The following MYPN variants were observed in gnomAD, a reference collection of about 807,000 sequenced individuals.
The protein encoded by MYPN is sarcomeric protein myopalladin, 145 kDa (MYOP).
In MYPN, 63 loss-of-function variants were observed where a neutral mutation model predicts 129.4. The observed-to-expected ratio is 0.49, with a 90% CI of 0.40 to 0.60. MYPN has a LOEUF of 0.60. Ranked by LOEUF, MYPN falls within the 20% of genes least tolerant of loss-of-function variation. The pLI, the probability that MYPN is intolerant of heterozygous loss-of-function variation, is 0.00. For synonymous variants in MYPN, 629 were observed against 600.9 expected (o/e 1.05, Z -0.68); for missense variants, 1,596 against 1,635.4 (o/e 0.98, Z 0.42).
At chr10:68,196,887 T>C (rs963924429) in intron 15 of MYPN, among the ~76,000 whole-genome samples, 3 of 152,172 alleles carry the variant, frequency 2.0e-5, no homozygotes, top group Non-Finnish European at 4.4e-5. Flanking sequence ...ATAGTCATCT[T>C]TAATGGTCTG....
intron 12 of MYPN, among the ~76,000 whole-genome samples, chr10:68,181,774 C>T (rs1428879861): frequency 1.3e-5 from 2 of 152,098 alleles, no homozygotes; most frequent in Non-Finnish European, 2.9e-5. Flanking sequence ...TTGCTCCTCA[C>T]TCTTTAGATT....
At chr10:68,198,993 GT>G (rs138398192) in intron 16 of MYPN, among the ~76,000 whole-genome samples, 8 of 147,006 alleles carry the variant, frequency 5.4e-5, no homozygotes, top group Admixed American at 6.8e-5. Flanking sequence ...TCTTGTTTTC[GT>G]TTTTTTTTTA....
rs756353004 is a variant in MYPN, at chr10:68,201,953, G to A, written c.3618G>A (p.Lys1206=). ...TGCCCCCACCTGTGTTCTACTGGAA[G>A]AAAGACAATGAGACCATCCCTTGCA... ...IGMPPPVFYW[K]KDNETIPCTR... The change falls in exon 18 of 20, where the codon AAG becomes AAA. Residue 1206 remains lysine (K), a synonymous_variant. Transcript: ENST00000358913. The A allele has an allele frequency of 3.7e-6, 6 of 1,614,138 alleles. No individual in the cohort carries two copies.
chr10:68,144,633 G>C (rs902893605), intron 3 of MYPN, among the ~76,000 whole-genome samples: 10 of 152,046 alleles, frequency 6.6e-5, no homozygotes, highest in Admixed American at 1.3e-4. Context: ...GCTGAGATTG[G>C]ATTGCTGGGT....
upstream of MYPN, among the ~76,000 whole-genome samples, chr10:68,104,694 G>A (rs1034476724): frequency 7.2e-5 from 11 of 151,918 alleles, no homozygotes; most frequent in Admixed American, 2.6e-4. Context: ...TGTCAGGGTC[G>A]GTTTCAGTCA....
chr10:68,197,065 T>C (rs2043619561), intron 15 of MYPN, among the ~76,000 whole-genome samples: 1 of 152,176 alleles, frequency 6.6e-6, no homozygotes, highest in Non-Finnish European at 1.5e-5. Context: ...GTCGAACTCA[T>C]AGCAAGGGGA....
chr10:68,108,969 C>T (rs1000255340), upstream of MYPN, among the ~76,000 whole-genome samples: 2 of 152,212 alleles, frequency 1.3e-5, no homozygotes, highest in Admixed American at 6.5e-5. Flanking sequence ...GATCTGCCCA[C>T]ATCAGCCTCC....
chr10:68,119,267 G>A (rs1262586396), intron 1 of MYPN, among the ~76,000 whole-genome samples: 2 of 152,032 alleles, frequency 1.3e-5, no homozygotes, highest in African/African-American at 2.4e-5. Flanking sequence ...TCTATTTAAT[G>A]AGTAATAATT....
chr10:68,117,575 G>T (rs558629895), intron 1 of MYPN, among the ~76,000 whole-genome samples: 2 of 152,178 alleles, frequency 1.3e-5, no homozygotes, highest in Non-Finnish European at 2.9e-5. Context: ...ACAGGAAGCA[G>T]TCCAAGCAAA....
intron 10 of MYPN, among the ~76,000 whole-genome samples, chr10:68,168,232 C>T (rs1353664278): frequency 2.0e-5 from 3 of 152,148 alleles, no homozygotes; most frequent in African/African-American, 7.2e-5. Context: ...TGACCTCCTG[C>T]CCCCTCCCCA....
At position 68,201,929 on chromosome 10, in the gene MYPN, GC is replaced by G; in HGVS notation, c.3599del (p.Pro1200HisfsTer115). 1 of 1,614,152 alleles carries G rather than the reference GC, an allele frequency of 6.2e-7. No individual in the cohort carries two copies. The highest frequency in any genetic ancestry group is 8.5e-7 in the Non-Finnish European group (1 of 1,180,032). ...GACTGGAGTGCCGCGTGATAGGCAT[GC>G]CCCCACCTGTGTTCTACTGGAAGAA... ...VRLECRVIGM[P>X]PPVFYWKKDN... On this transcript the variant is annotated frameshift_variant, in exon 18 of 20. Transcript: ENST00000358913. LOFTEE classifies it high-confidence loss of function.
chr10:68,199,536 A>T lies in MYPN; in HGVS notation c.3454A>T (p.Thr1152Ser), dbSNP rs2043673692. Residue 1152 changes from threonine to serine, a missense_variant, in exon 17 of 20, where the codon ACC becomes TCC. By Grantham distance (58) the Thr-to-Ser change is moderately conservative (BLOSUM62 1). Coordinates refer to ENST00000358913, the MANE Select transcript of MYPN (RefSeq NM_032578.4). ...CTATAAGTGCATCGCTACCAACAAA[A>T]CCGGGCAGAATTCTTTTAGTCTGGA... ...GTYKCIATNK[T>S]GQNSFSLELS... is the part of the protein sequence containing the mutation. 6.2e-7 allele frequency: 1 copy of T among 1,613,854 alleles called. No individual in the cohort carries two copies. The highest frequency in any genetic ancestry group is 8.5e-7 in the Non-Finnish European group (1 of 1,179,978).
chr10:68,161,365 A>G (rs1481501756), intron 7 of MYPN, among the ~76,000 whole-genome samples: 2 of 152,060 alleles, frequency 1.3e-5, no homozygotes, highest in Non-Finnish European at 2.9e-5. Context: ...GCATGGTGGC[A>G]CATGCCTATA....
At chr10:68,149,132 A>G (rs886218524) in intron 5 of MYPN, among the ~76,000 whole-genome samples, 1 of 148,128 alleles carries the variant, frequency 6.8e-6, no homozygotes, top group East Asian at 2.0e-4. Context: ...GGAGGCTGAC[A>G]TGGGATGATC....
At chr10:68,178,311 G>T (rs2134214506) in intron 12 of MYPN, among the ~76,000 whole-genome samples, 1 of 152,270 alleles carries the variant, frequency 6.6e-6, no homozygotes, top group African/African-American at 2.4e-5. Flanking sequence ...TTTTTAGGCT[G>T]CATCATTTGC....
upstream of MYPN, chr10:68,109,455 GGT>G (rs1397755449): frequency 2.2e-6 from 1 of 453,650 alleles, no homozygotes; most frequent in Non-Finnish European, 4.4e-6. Context: ...ACAGGCACAT[GGT>G]TTATACAGCT....
intron 9 of MYPN, 109 bp from the exon 10 acceptor site, chr10:68,166,185 A>G: frequency 7.7e-7 from 1 of 1,295,008 alleles, no homozygotes; most frequent in Non-Finnish European, 1.1e-6. Context: ...TTTGACAAGC[A>G]TTTTCCCATT....
rs113714215 is a variant in MYPN, at chr10:68,123,534, A to AC, written c.902+1194_902+1195insC. Among the ~76,000 whole-genome samples the AC allele has an allele frequency of 3.4e-3, 513 of 151,254 alleles. 7 individuals are homozygous for AC. Among genetic ancestry groups the AC allele is most frequent in the African/African-American group, 0.012 (489 of 41,234 alleles). ...TACTAAAAATACAAAAAAAAAAAAA[A>AC]AATTAGCCAAGCATGGTGGCGGGCG... On this transcript the variant is annotated intron_variant, in intron 2 of 19. Transcript: ENST00000358913.
chr10:68,093,679 C>T (rs1182398033), intron 1 of MYPN, among the ~76,000 whole-genome samples: 1 of 151,270 alleles, frequency 6.6e-6, no homozygotes, highest in Non-Finnish European at 1.5e-5. Context: ...ATGGCGTGAA[C>T]CCCGGAGGCG....
Sources: allele counts gnomAD v4.1 joint callset (sites outside exome capture counted in the v4.1 genomes callset), GRCh38; gene constraint gnomAD v4.1.1; transcripts MANE v1.5; gene names NCBI Gene and HGNC (gene_info 2026-07-23, HGNC 2026-07-21).